The following PLXNC1 variants were observed in gnomAD, a reference collection of about 807,000 sequenced individuals.
The protein encoded by PLXNC1 is plexin C1.
Under a neutral mutation model 178.2 loss-of-function variants are expected in PLXNC1, and 75 were observed. That is an observed-to-expected ratio of 0.42 (90% CI 0.35 to 0.51). The LOEUF is 0.51. Ranked by LOEUF, PLXNC1 falls within the 20% of genes least tolerant of loss-of-function variation. The probability of loss-of-function intolerance (pLI) is 0.02; values close to 1 mark genes in which losing one functional copy is unlikely to be tolerated. For missense variants in PLXNC1, 1,503 were observed against 1,984.4 expected (o/e 0.76, Z 4.61); for synonymous variants, 790 against 779.9 (o/e 1.01, Z -0.22).
Position 94,269,617 on chromosome 12 carries a change from TTC to T in PLXNC1, c.3597+4396_3597+4397del, listed in dbSNP as rs201400893. 6.6e-5 allele frequency among the ~76,000 whole-genome samples: 10 copies of T among 152,340 alleles called. No individual in the cohort carries two copies. The East Asian group carries it at 1.7e-3, about 26-fold the overall frequency. On this transcript the variant is annotated intron_variant, in intron 21 of 30. Coordinates refer to ENST00000258526, the MANE Select transcript of PLXNC1 (RefSeq NM_005761.3). Reference sequence around the variant, plus strand: ...ACAACCCACTGTCCCGATTAAGTCATTCTCTGTTACTTCAATTACATTCCATT... The same window carrying T: ...ACAACCCACTGTCCCGATTAAGTCATTCTGTTACTTCAATTACATTCCATT...
intron 24 of PLXNC1, 56 bp from the exon 25 acceptor site, chr12:94,297,132 GC>G: frequency 8.3e-6 from 13 of 1,572,888 alleles, no homozygotes; most frequent in Non-Finnish European, 1.1e-5. Context: ...AGGCCGATTA[GC>G]CCATGGTTGC....
chr12:94,249,326 A>G (rs1402843977), intron 14 of PLXNC1, among the ~76,000 whole-genome samples: 2 of 152,108 alleles, frequency 1.3e-5, no homozygotes, highest in Admixed American at 6.5e-5. Context: ...TCCGCTTCCC[A>G]GTTTTAAGCA....
chr12:94,252,885 T>C (rs1004475661), intron 15 of PLXNC1, among the ~76,000 whole-genome samples: 1 of 152,164 alleles, frequency 6.6e-6, no homozygotes, highest in African/African-American at 2.4e-5. Flanking sequence ...TTTTCTCTCA[T>C]CCTTCTTTGA....
chr12:94,260,628 C>G lies in PLXNC1; in HGVS notation c.3252-14C>G. ...CCTGCAGCCAATGGTTCACCCAGCT[C>G]TCTTTTTCAACAGGTGTCTGTTTGC... On this transcript the variant is annotated splice_polypyrimidine_tract_variant and intron_variant, in intron 19 of 30. Coordinates refer to ENST00000258526, the MANE Select transcript of PLXNC1 (RefSeq NM_005761.3). The surrounding 1 kb of genome is among the most constrained non-coding windows in gnomAD (Gnocchi z 4.4). The G allele has an allele frequency of 1.2e-6, 2 of 1,606,752 alleles. No individual in the cohort carries two copies. The highest frequency in any genetic ancestry group is 1.1e-5 in the South Asian group (1 of 90,830).
At chr12:94,178,834 C>T (rs892638817) in intron 2 of PLXNC1, among the ~76,000 whole-genome samples, 2 of 152,106 alleles carry the variant, frequency 1.3e-5, no homozygotes, top group East Asian at 1.9e-4. Flanking sequence ...GCTATAAAGT[C>T]GTTTTAAAAT....
At chr12:94,183,525 G>A (rs891825602) in intron 3 of PLXNC1, among the ~76,000 whole-genome samples, 6 of 152,186 alleles carry the variant, frequency 3.9e-5, no homozygotes, top group African/African-American at 7.2e-5. Context: ...CAAAACTGCC[G>A]GTCAGAGTAC....
intron 7 of PLXNC1, among the ~76,000 whole-genome samples, chr12:94,225,761 C>A (rs1413754626): frequency 3.9e-5 from 6 of 152,166 alleles, no homozygotes; most frequent in Non-Finnish European, 8.8e-5. Context: ...GTACAGTAAT[C>A]ACACCCTGGG....
intron 23 of PLXNC1, among the ~76,000 whole-genome samples, chr12:94,292,404 AT>A (rs368027905): frequency 6.6e-6 from 1 of 152,218 alleles, no homozygotes; most frequent in African/African-American, 2.4e-5. Context: ...GTGAATAGTC[AT>A]TGAGCTGCAC....
chr12:94,177,117 ATG>A lies in PLXNC1; in HGVS notation c.1204-4317_1204-4316del, dbSNP rs1239498028. ...TATATATATATGTGTGTGTGTATAT[ATG>A]TGTGTGTGTGTATATATATGTGTGT... On this transcript the variant is annotated intron_variant, in intron 2 of 30. Coordinates refer to ENST00000258526, the MANE Select transcript of PLXNC1 (RefSeq NM_005761.3). Among the ~76,000 whole-genome samples, 511 of 97,866 alleles carry A rather than the reference ATG, an allele frequency of 5.2e-3. 4 individuals carry two copies. Among genetic ancestry groups the A allele is most frequent in the African/African-American group, 0.012 (361 of 30,566 alleles). 64.2% of individuals were successfully genotyped at this position (97,866 alleles called of 152,430 possible).
intron 23 of PLXNC1, among the ~76,000 whole-genome samples, chr12:94,283,841 C>T (rs1157588932): frequency 6.6e-6 from 1 of 152,042 alleles, no homozygotes; most frequent in African/African-American, 2.4e-5. Flanking sequence ...CCCAGCACTT[C>T]GGGAGGCTGA....
At chr12:94,166,014 C>T (rs1045308296) in intron 1 of PLXNC1, among the ~76,000 whole-genome samples, 48 of 152,072 alleles carry the variant, frequency 3.2e-4, no homozygotes, top group African/African-American at 1.1e-3. Flanking sequence ...CATGACCACC[C>T]TCAGCTCTAA....
chr12:94,291,874 C>A (rs1967369334), intron 23 of PLXNC1, among the ~76,000 whole-genome samples: 1 of 152,124 alleles, frequency 6.6e-6, no homozygotes, highest in South Asian at 2.1e-4. Context: ...GAACGTAGTA[C>A]CCAACAGGAA....
chr12:94,267,167 AAATGAT>A (rs1965287966), intron 21 of PLXNC1, among the ~76,000 whole-genome samples: 1 of 152,242 alleles, frequency 6.6e-6, no homozygotes, highest in Admixed American at 6.5e-5. Context: ...AAATATTTGC[AAATGAT>A]TATAGTCGGG....
At chr12:94,209,823 CCATT>C in intron 5 of PLXNC1, 119 bp downstream of exon 5, 1 of 646,308 alleles carries the variant, frequency 1.5e-6, no homozygotes. Context: ...TGATAGCACT[CCATT>C]CATTTAGCAC....
chr12:94,254,021 T>C (rs1309204490), intron 15 of PLXNC1, among the ~76,000 whole-genome samples: 1 of 152,192 alleles, frequency 6.6e-6, no homozygotes, highest in African/African-American at 2.4e-5. Flanking sequence ...ATAACAGTGG[T>C]TGATTGTTGA....
At chr12:94,277,560 G>A (rs1416685666) in intron 21 of PLXNC1, among the ~76,000 whole-genome samples, 1 of 152,164 alleles carries the variant, frequency 6.6e-6, no homozygotes, top group African/African-American at 2.4e-5. Flanking sequence ...TTACACAGCT[G>A]GTTAGGGATG....
intron 10 of PLXNC1, among the ~76,000 whole-genome samples, chr12:94,240,130 A>T (rs978874695): frequency 6.6e-6 from 1 of 152,218 alleles, no homozygotes; most frequent in East Asian, 1.9e-4. Flanking sequence ...GATAAGCCAT[A>T]GTGCCATTAT....
At chr12:94,201,215 G>T (rs575536646) in intron 4 of PLXNC1, among the ~76,000 whole-genome samples, 1 of 152,146 alleles carries the variant, frequency 6.6e-6, no homozygotes, top group Non-Finnish European at 1.5e-5. Flanking sequence ...TAATATTTAG[G>T]AGGAAACAGA....
intron 12 of PLXNC1, among the ~76,000 whole-genome samples, chr12:94,246,196 T>A (rs1336103426): frequency 6.6e-6 from 1 of 152,146 alleles, no homozygotes; most frequent in Admixed American, 6.5e-5. Flanking sequence ...CGGTTATTAT[T>A]TTGGCAATGG....
Sources: gnomAD v4.1 joint callset for allele counts (sites outside exome capture counted in the v4.1 genomes callset) on GRCh38, gnomAD v4.1.1 for gene constraint, Gnocchi (gnomAD v3.1) non-coding constraint, MANE v1.5 for transcripts, NCBI Gene and HGNC (gene_info 2026-07-23, HGNC 2026-07-21) for gene names.